ZNF141: variants seen among roughly 807,000 people sequenced by gnomAD.
ZNF141 encodes zinc finger protein 141, also known as zinc finger protein 141 (clone pHZ-44).
Under a neutral mutation model 11.3 loss-of-function variants are expected in ZNF141, and 7 were observed. That is an observed-to-expected ratio of 0.62 (90% CI 0.35 to 1.16). The LOEUF is 1.16. Ranked by LOEUF, ZNF141 falls within the 50% of genes most tolerant of loss-of-function variation. The pLI, the probability that ZNF141 is intolerant of heterozygous loss-of-function variation, is 0.02. For missense variants in ZNF141, 535 were observed against 554.0 expected, an observed-to-expected ratio of 0.97 and a Z score of 0.34; for synonymous variants, 183 against 190.7, an observed-to-expected ratio of 0.96 and a Z score of 0.33.
At chr4:347,924 A>C (rs1553849896) in intron 3 of ZNF141, among the ~76,000 whole-genome samples, 1 of 151,246 alleles carries the variant, frequency 6.6e-6, no homozygotes, top group East Asian at 2.0e-4. Context: ...TGCTCACTGC[A>C]ACCTCTGTCT....
chr4:367,847 G>A (rs59124493), intron 3 of ZNF141, among the ~76,000 whole-genome samples: 65,937 of 151,922 alleles, frequency 0.43, 14,908 homozygotes, highest in African/African-American at 0.57. Context: ...AAAGTTTGTT[G>A]TCATAATTTA....
At chr4:361,631 G>C (rs1241284925) in intron 3 of ZNF141, among the ~76,000 whole-genome samples, 1 of 151,960 alleles carries the variant, frequency 6.6e-6, no homozygotes, top group African/African-American at 2.4e-5. Context: ...TGCGGTGTTT[G>C]GTTTTCTGTC....
At chr4:367,211 T>C (rs1306186618) in intron 3 of ZNF141, among the ~76,000 whole-genome samples, 4 of 152,198 alleles carry the variant, frequency 2.6e-5, no homozygotes, top group Non-Finnish European at 5.9e-5. Context: ...CTGTGTACAC[T>C]GTAAGACTGG....
chr4:381,012 C>T lies in ZNF141; in HGVS notation c.*7150C>T, dbSNP rs1254737474. 6.6e-6 allele frequency among the ~76,000 whole-genome samples: 1 copy of T among 152,124 alleles called. No homozygotes were observed. Among genetic ancestry groups the T allele is most frequent in the Non-Finnish European group, 1.5e-5 (1 of 68,020 alleles). On this transcript the variant is annotated 3_prime_UTR_variant, in exon 4 of 4. Coordinates refer to ENST00000240499, the MANE Select transcript of ZNF141 (RefSeq NM_003441.4). ...TGGGAACAGCTTTCCTTTCAACTGTCCTTCACCACCCCTTTAGCAATTCAG... is the reference window on the plus strand; with the variant it reads ...TGGGAACAGCTTTCCTTTCAACTGTTCTTCACCACCCCTTTAGCAATTCAG...
At chr4:338,217 C>T (rs1720883609) in intron 1 of ZNF141, 2 of 506,450 alleles carry the variant, frequency 3.9e-6, no homozygotes, top group Admixed American at 3.5e-5. Context: ...GCACCTTCCC[C>T]AGGCTGTGGG....
rs1553855016 is a variant in ZNF141, at chr4:378,602, G to A, written c.*4740G>A. On this transcript the variant is annotated 3_prime_UTR_variant, in exon 4 of 4. Transcript: ENST00000240499. ...TATCTTTGAGTGTGAATGTTAAATG[G>A]TGGAAAAACAATAGAATGATCTCTG... 6.6e-6 allele frequency among the ~76,000 whole-genome samples: 1 copy of A among 151,990 alleles called. No individual in the cohort carries two copies. The highest frequency in any genetic ancestry group is 1.9e-4 in the East Asian group (1 of 5,188).
intron 3 of ZNF141, among the ~76,000 whole-genome samples, chr4:360,478 G>C (rs1189431334): frequency 2.6e-5 from 4 of 152,154 alleles, no homozygotes; most frequent in Non-Finnish European, 5.9e-5. Context: ...TTGAAAACTA[G>C]TTATTTAAAG....
chr4:347,495 A>G (rs1721391916), intron 3 of ZNF141, among the ~76,000 whole-genome samples: 1 of 151,452 alleles, frequency 6.6e-6, no homozygotes, highest in Non-Finnish European at 1.5e-5. Flanking sequence ...GCCTTCCACC[A>G]CACCCAGCTA....
Position 382,137 on chromosome 4 carries a change from G to T in ZNF141, c.*8275G>T, listed in dbSNP as rs185624859. Among the ~76,000 whole-genome samples, 1 of 151,784 alleles carries T rather than the reference G, an allele frequency of 6.6e-6. No homozygotes were observed. Among genetic ancestry groups the T allele is most frequent in the East Asian group, 1.9e-4 (1 of 5,130 alleles). ...ATTTTTTTGTATTTTTAGTAGAGAC[G>T]GGGTTTCACCATGTTAGCCAACAAG... On this transcript the variant is annotated 3_prime_UTR_variant, in exon 4 of 4. Coordinates refer to ENST00000240499, the MANE Select transcript of ZNF141 (RefSeq NM_003441.4).
At position 358,295 on chromosome 4, in the gene ZNF141, C is replaced by T. The variant is rs186124043; in HGVS notation, c.226+13865C>T. ...CTCTACCTCCCGAGTTCAAGTGATTCTCCTGCCTCCGCCTCCCAAGTAGCT... is the reference window on the plus strand; with the variant it reads ...CTCTACCTCCCGAGTTCAAGTGATTTTCCTGCCTCCGCCTCCCAAGTAGCT... On this transcript the variant is annotated intron_variant, in intron 3 of 3. Coordinates refer to ENST00000240499, the MANE Select transcript of ZNF141 (RefSeq NM_003441.4). 281 of 361,456 alleles carry T rather than the reference C, an allele frequency of 7.8e-4. 2 individuals are homozygous for T. The highest frequency in any genetic ancestry group is 5.8e-3 in the African/African-American group (250 of 43,468). The allele number at this position is 361,456 out of a possible 1,614,324, so 22.4% of individuals were successfully genotyped here.
intron 3 of ZNF141, among the ~76,000 whole-genome samples, chr4:359,289 T>G (rs1721999421): frequency 6.6e-6 from 1 of 151,656 alleles, no homozygotes; most frequent in Non-Finnish European, 1.5e-5. Flanking sequence ...TCAATAAGAC[T>G]GGTGCTGAGA....
In ZNF141 at chr4:383,150, T is replaced by C. The variant is rs868979390; in HGVS notation, c.*9288T>C. 1.4e-6 allele frequency: 1 copy of C among 701,674 alleles called. No individual in the cohort carries two copies. Among genetic ancestry groups the C allele is most frequent in the Non-Finnish European group, 2.6e-6 (1 of 384,608 alleles). 43.5% of individuals were successfully genotyped at this position (701,674 alleles called of 1,614,324 possible). A position where few individuals can be genotyped will look rare whatever the true frequency, so the allele number is the denominator to read the frequency against. On this transcript the variant is annotated 3_prime_UTR_variant, in exon 4 of 4. Coordinates refer to ENST00000240499, the MANE Select transcript of ZNF141 (RefSeq NM_003441.4). ...TTTTAGCTTTCTGGAGAATAGCATC[T>C]GAGAAAAGCCAAAGTGCCTCAGTTT...
At chr4:357,863 G>A (rs1194411542) in intron 3 of ZNF141, among the ~76,000 whole-genome samples, 1 of 151,396 alleles carries the variant, frequency 6.6e-6, no homozygotes, top group African/African-American at 2.4e-5. Context: ...GCGCCACCAC[G>A]CCCGACTAAT....
chr4:373,291 G>C lies in ZNF141; in HGVS notation c.854G>C (p.Cys285Ser). Residue 285 changes from cysteine (C) to serine (S), a missense_variant, in exon 4 of 4, where the codon TGT (cysteine) becomes TCT (serine). Physicochemically the swap from Cys to Ser is moderately radical, Grantham distance 112. Coordinates refer to ENST00000240499, the MANE Select transcript of ZNF141 (RefSeq NM_003441.4). ...CATGCTGGAGAGAAACCCATCACAT[G>C]TGAAGAATGTAGGAAAATCTTTACC... ...RIHAGEKPITCEECRKIFTSS... is the reference protein window; with the variant it reads ...RIHAGEKPITSEECRKIFTSS... 3 of 1,613,996 alleles carry C rather than the reference G, an allele frequency of 1.9e-6. No homozygotes were observed. The East Asian group carries it at 6.7e-5, about 36-fold the overall frequency.
intron 3 of ZNF141, 27 bp from the exon 4 acceptor site, chr4:372,637 A>G (rs1316546390): frequency 8.2e-6 from 12 of 1,464,284 alleles, no homozygotes; most frequent in Non-Finnish European, 1.1e-5. Flanking sequence ...ACTAAGTGGG[A>G]TAATTTGTAA....
Position 380,013 on chromosome 4 carries a change from G to C in ZNF141, c.*6151G>C, listed in dbSNP as rs1257115024. On this transcript the variant is annotated 3_prime_UTR_variant, in exon 4 of 4. Transcript: ENST00000240499. ...GATTTCTTGAATTTATTCCTCCTAG[G>C]CAACTATGTGTTGTTTTACAGACAT... Among the ~76,000 whole-genome samples, 1 of 152,090 alleles carries C rather than the reference G, an allele frequency of 6.6e-6. No homozygotes were observed. The highest frequency in any genetic ancestry group is 2.4e-5 in the African/African-American group (1 of 41,404).
chr4:372,215 T>C (rs1712102906), intron 3 of ZNF141, among the ~76,000 whole-genome samples: 1 of 152,254 alleles, frequency 6.6e-6, no homozygotes, highest in Non-Finnish European at 1.5e-5. Context: ...TCACCATTTC[T>C]ATCAGCACTC....
rs1712538693 is a variant in ZNF141 at position 379,924 on chromosome 4, T to G, written c.*6062T>G. Among the ~76,000 whole-genome samples, 1 of 152,220 alleles carries G rather than the reference T, an allele frequency of 6.6e-6. No homozygotes were observed. The highest frequency in any genetic ancestry group is 2.4e-5 in the African/African-American group (1 of 41,464). ...ACTTTTGGGATAAGAGCTCATAACATTGACTGTGTTAGCATTTTCCAAAAA... is the reference window on the plus strand; with the variant it reads ...ACTTTTGGGATAAGAGCTCATAACAGTGACTGTGTTAGCATTTTCCAAAAA... On this transcript the variant is annotated 3_prime_UTR_variant, in exon 4 of 4. Coordinates refer to ENST00000240499, the MANE Select transcript of ZNF141 (RefSeq NM_003441.4).
At chr4:354,170 C>T (rs1553850908) in intron 3 of ZNF141, among the ~76,000 whole-genome samples, 1 of 152,166 alleles carries the variant, frequency 6.6e-6, no homozygotes, top group Non-Finnish European at 1.5e-5. Flanking sequence ...GTCAGAGGTG[C>T]CCTGCCTGGG....
Sources: gnomAD v4.1 joint callset for allele counts (sites outside exome capture counted in the v4.1 genomes callset) on GRCh38, gnomAD v4.1.1 for gene constraint, MANE v1.5 for transcripts, NCBI Gene and HGNC (gene_info 2026-07-23, HGNC 2026-07-21) for gene names.